MIPOL1: variants seen among roughly 807,000 people sequenced by gnomAD.
MIPOL1 encodes the protein mirror-image polydactyly gene 1 protein.
MIPOL1 carries 57 observed loss-of-function variants against 60.9 expected under a neutral mutation model. The ratio of observed to expected loss-of-function variants is 0.94; its 90% CI spans 0.76 to 1.17. MIPOL1 has a LOEUF of 1.17. Ranked by LOEUF, MIPOL1 falls within the 50% of genes most tolerant of loss-of-function variation. The pLI, the probability that MIPOL1 is intolerant of heterozygous loss-of-function variation, is 0.00. For missense variants in MIPOL1, 551 were observed against 511.6 expected (o/e 1.08, Z -0.74); for synonymous variants, 179 against 168.8 (o/e 1.06, Z -0.47).
Position 37,450,527 on chromosome 14 carries a change from A to AT in MIPOL1, c.1031+27586dup, listed in dbSNP as rs543345684. Among the ~76,000 whole-genome samples the AT allele has an allele frequency of 2.4e-4, 36 of 151,728 alleles. 1 individual carries two copies. The highest frequency in any genetic ancestry group is 8.0e-4 in the African/African-American group (33 of 41,382). Reference sequence around the variant, plus strand: ...ATGGAAGATAATTTTTTTAATCTCAATTTTTTTTCATTTTTGTATTCTGAA... The same window carrying AT: ...ATGGAAGATAATTTTTTTAATCTCAATTTTTTTTTCATTTTTGTATTCTGAA... On this transcript the variant is annotated intron_variant, in intron 11 of 12. Coordinates refer to ENST00000684589, the MANE Select transcript of MIPOL1 (RefSeq NM_001388067.1).
intron 11 of MIPOL1, among the ~76,000 whole-genome samples, chr14:37,478,374 A>G (rs1414012097): frequency 6.6e-6 from 1 of 152,192 alleles, no homozygotes; most frequent in African/African-American, 2.4e-5. Context: ...AATGGTATTA[A>G]ATTTTTAAAG....
chr14:37,369,524 G>A lies in MIPOL1; in HGVS notation c.836G>A (p.Arg279Gln), dbSNP rs778707386. 23 of 1,611,158 alleles carry A rather than the reference G, an allele frequency of 1.4e-5. No individual in the cohort carries two copies. The highest frequency in any genetic ancestry group is 1.0e-4 in the Admixed American group (6 of 59,834). Residue 279 changes from arginine to glutamine, a missense_variant, in exon 10 of 13, where the codon CGG becomes CAG. By Grantham distance (43) the Arg-to-Gln change is conservative. Coordinates refer to ENST00000684589, the MANE Select transcript of MIPOL1 (RefSeq NM_001388067.1). Reference sequence around the variant, plus strand: ...ATTCTTCCCCTGTGGCAGTGCAAACGGTTAGAGCAGGAGCTTCATCATGTG... The same window carrying A: ...ATTCTTCCCCTGTGGCAGTGCAAACAGTTAGAGCAGGAGCTTCATCATGTG... Reference protein sequence around the residue: ...ERDAALSKCKRLEQELHHVKE... With the variant: ...ERDAALSKCKQLEQELHHVKE...
chr14:37,242,590 C>A (rs1972529025), intron 1 of MIPOL1, among the ~76,000 whole-genome samples: 2 of 152,194 alleles, frequency 1.3e-5, no homozygotes, highest in African/African-American at 4.8e-5. Context: ...TATACCAGTT[C>A]TCTATTGACG....
intron 3 of MIPOL1, among the ~76,000 whole-genome samples, chr14:37,261,545 A>G (rs796443167): frequency 2.0e-5 from 3 of 152,226 alleles, no homozygotes; most frequent in African/African-American, 7.2e-5. Context: ...GCTTTTCTTA[A>G]TATTTGAGAG....
rs2093913417 is a variant in MIPOL1 at position 37,423,625 on chromosome 14, T to G, written c.1031+676T>G. ...AGAAAACATTGAAAAAACACACCGATGCACAATGCCATGTATATTCTTTCA... is the reference window on the plus strand; with the variant it reads ...AGAAAACATTGAAAAAACACACCGAGGCACAATGCCATGTATATTCTTTCA... On this transcript the variant is annotated intron_variant, in intron 11 of 12. Transcript: ENST00000684589. The G allele has an allele frequency of 5.3e-5, 8 of 152,166 alleles. 2 individuals carry two copies. The South Asian group carries it at 1.7e-3, about 32-fold the overall frequency. The allele number at this position is 152,166 out of a possible 1,614,324, so 9.4% of individuals were successfully genotyped here.
At chr14:37,206,910 G>A (rs1038004927) in intron 1 of MIPOL1, among the ~76,000 whole-genome samples, 2 of 151,898 alleles carry the variant, frequency 1.3e-5, no homozygotes, top group Non-Finnish European at 2.9e-5. Context: ...TTGTATCTAG[G>A]AACTAACTTG....
intron 12 of MIPOL1, among the ~76,000 whole-genome samples, chr14:37,523,124 G>A (rs978560525): frequency 6.6e-6 from 1 of 152,126 alleles, no homozygotes; most frequent in African/African-American, 2.4e-5. Flanking sequence ...TAACAGTCAT[G>A]TCACCTTGCT....
chr14:37,470,772 C>G (rs1647063617), intron 11 of MIPOL1, among the ~76,000 whole-genome samples: 1 of 151,978 alleles, frequency 6.6e-6, no homozygotes, highest in African/African-American at 2.4e-5. Flanking sequence ...ACGAGAAGCC[C>G]CCAAAGAAGA....
intron 9 of MIPOL1, among the ~76,000 whole-genome samples, chr14:37,324,355 A>G (rs747093895): frequency 6.6e-6 from 1 of 152,008 alleles, no homozygotes; most frequent in African/African-American, 2.4e-5. Flanking sequence ...GGCCATTCAT[A>G]TATTTTCTTT....
intron 10 of MIPOL1, among the ~76,000 whole-genome samples, chr14:37,383,159 A>G (rs1348586339): frequency 1.9e-4 from 29 of 151,842 alleles, no homozygotes; most frequent in Admixed American, 1.8e-3. Flanking sequence ...CGTTCTTAAT[A>G]ATTTCACAAA....
In MIPOL1 at chr14:37,268,805, A is replaced by C. The variant is rs764339031; in HGVS notation, c.387+12A>C. 6 of 1,543,872 alleles carry C rather than the reference A, an allele frequency of 3.9e-6. No homozygotes were observed. The highest frequency in any genetic ancestry group is 4.4e-6 in the Non-Finnish European group (5 of 1,137,378). On this transcript the variant is annotated intron_variant, in intron 5 of 12. Transcript: ENST00000684589. ...CAAGCAATAAAAAGGTATAATATGG[A>C]AAGTCTGATAATTGTATAGTATGGG...
intron 11 of MIPOL1, among the ~76,000 whole-genome samples, chr14:37,437,050 G>T (rs2094173535): frequency 6.6e-6 from 1 of 152,122 alleles, no homozygotes; most frequent in Non-Finnish European, 1.5e-5. Flanking sequence ...TGAAATGTAT[G>T]AATTTATTAA....
At chr14:37,369,926 A>C (rs575104673) in intron 10 of MIPOL1, 1 of 160,860 alleles carries the variant, frequency 6.2e-6, no homozygotes, top group African/African-American at 2.4e-5. Flanking sequence ...AAAAGTGACC[A>C]TACTAAAAGA....
intron 11 of MIPOL1, among the ~76,000 whole-genome samples, chr14:37,449,053 A>T (rs146338099): frequency 6.6e-6 from 1 of 152,222 alleles, no homozygotes; most frequent in Non-Finnish European, 1.5e-5. Flanking sequence ...GTTTATGCCA[A>T]CAAAGAAGGG....
chr14:37,415,529 T>A (rs1057455811), intron 10 of MIPOL1, among the ~76,000 whole-genome samples: 1 of 150,270 alleles, frequency 6.7e-6, no homozygotes, highest in Admixed American at 6.7e-5. Flanking sequence ...CTCGGGAGGC[T>A]GAGGCCGGAG....
At chr14:37,476,693 T>C (rs769111751) in intron 11 of MIPOL1, among the ~76,000 whole-genome samples, 3 of 152,102 alleles carry the variant, frequency 2.0e-5, no homozygotes, top group Non-Finnish European at 4.4e-5. Context: ...TGATTAATGA[T>C]TTTTAGTCTT....
intron 12 of MIPOL1, among the ~76,000 whole-genome samples, chr14:37,514,688 C>T (rs745959776): frequency 4.0e-5 from 6 of 151,126 alleles, no homozygotes; most frequent in Non-Finnish European, 8.8e-5. Flanking sequence ...ATGGCGCGAT[C>T]TTGGCTCACA....
intron 11 of MIPOL1, among the ~76,000 whole-genome samples, chr14:37,465,565 T>C (rs950235897): frequency 6.6e-6 from 1 of 152,134 alleles, no homozygotes; most frequent in African/African-American, 2.4e-5. Context: ...ATTCTAATAA[T>C]TTTTTCTTTA....
rs1178662067 is a variant in MIPOL1, at chr14:37,302,633, C to G, written c.624-5423C>G. On this transcript the variant is annotated intron_variant, in intron 7 of 12. Coordinates refer to ENST00000684589, the MANE Select transcript of MIPOL1 (RefSeq NM_001388067.1). ...TTAAATTTTGATAACATTAAAAAAT[C>G]TTTTTTTTTTTTTTTGCTTATGGAC... 4.8e-5 allele frequency among the ~76,000 whole-genome samples: 6 copies of G among 125,176 alleles called. No homozygotes were observed. In the South Asian group the frequency reaches 1.3e-3, roughly 28 times the overall value. 82.1% of individuals were successfully genotyped at this position (125,176 alleles called of 152,430 possible).
Sources: allele counts gnomAD v4.1 joint callset (sites outside exome capture counted in the v4.1 genomes callset), GRCh38; gene constraint gnomAD v4.1.1; transcripts MANE v1.5; gene names NCBI Gene and HGNC (gene_info 2026-07-23, HGNC 2026-07-21).